MCF2L: variants seen among roughly 807,000 people sequenced by gnomAD.
The protein encoded by MCF2L is guanine nucleotide exchange factor DBS.
In MCF2L, 97 loss-of-function variants were observed where a neutral mutation model predicts 153.4. The ratio of observed to expected loss-of-function variants is 0.63; its 90% CI spans 0.54 to 0.75. The LOEUF (loss-of-function observed/expected upper bound fraction) is 0.75. MCF2L is among the 30% of genes least tolerant of loss of function. The pLI is 0.00. For missense variants in MCF2L, 1,347 were observed against 1,495.2 expected, an observed-to-expected ratio of 0.90 and a Z score of 1.64; for synonymous variants, 659 against 632.2, an observed-to-expected ratio of 1.04 and a Z score of -0.64.
intron 1 of MCF2L, among the ~76,000 whole-genome samples, chr13:112,977,236 A>C (rs1307221971): frequency 6.6e-6 from 1 of 152,170 alleles, no homozygotes; most frequent in Non-Finnish European, 1.5e-5. Context: ...ACATTGTATA[A>C]AATAGACTCC....
At chr13:112,914,991 A>AT (rs562578713) in intron 2 of MCF2L, among the ~76,000 whole-genome samples, 31 of 151,732 alleles carry the variant, frequency 2.0e-4, no homozygotes, top group Non-Finnish European at 3.7e-4. Flanking sequence ...GAATTCACCC[A>AT]TTTTTTTCCT....
chr13:113,085,217 C>G (rs772252859), intron 20 of MCF2L, 39 bp downstream of exon 20: 72 of 1,581,138 alleles, frequency 4.6e-5, no homozygotes, highest in Non-Finnish European at 5.8e-5. Flanking sequence ...CTCCCCAGCA[C>G]CTGCTGGCCA....
At chr13:113,075,334 T>A in intron 11 of MCF2L, 145 bp downstream of exon 11, 1 of 661,812 alleles carries the variant, frequency 1.5e-6, no homozygotes, top group South Asian at 2.5e-5. Flanking sequence ...TCTGGTCTTG[T>A]TGGCCTAGAG....
At chr13:112,987,943 T>C (rs940605522) in intron 1 of MCF2L, among the ~76,000 whole-genome samples, 12 of 152,240 alleles carry the variant, frequency 7.9e-5, no homozygotes, top group African/African-American at 2.4e-5. Flanking sequence ...TCACAGTTAC[T>C]TGGAATCCTG....
intron 1 of MCF2L, among the ~76,000 whole-genome samples, chr13:112,973,748 T>C (rs965807211): frequency 1.3e-5 from 2 of 152,220 alleles, no homozygotes; most frequent in African/African-American, 4.8e-5. Context: ...CTGTGTTTGC[T>C]TGGAGCGCCC....
At chr13:113,076,192 C>T in intron 12 of MCF2L, 35 bp downstream of exon 12, 2 of 1,541,960 alleles carry the variant, frequency 1.3e-6, no homozygotes, top group Admixed American at 1.8e-5. Flanking sequence ...TTGCAGCTTG[C>T]TGTCCCGAGC....
At chr13:112,997,449 TG>T (rs2083187994) in intron 1 of MCF2L, among the ~76,000 whole-genome samples, 1 of 152,098 alleles carries the variant, frequency 6.6e-6, no homozygotes, top group Non-Finnish European at 1.5e-5. Context: ...GACAGCAGAG[TG>T]GGGGGCATGG....
Position 113,074,944 on chromosome 13 carries a change from G to A in MCF2L, c.1117-54G>A. ...CACACATCCCGTACAGCAAGGCACT[G>A]TGTGCCTCGAACAGAAAGAGGCCTG... On this transcript the variant is annotated intron_variant, in intron 10 of 29. Coordinates refer to ENST00000535094, the MANE Select transcript of MCF2L (RefSeq NM_001112732.3). This position sits in a 1 kb window ranked among gnomAD's most constrained non-coding sequence, Gnocchi z 4.2. The A allele has an allele frequency of 1.4e-6, 2 of 1,468,198 alleles. No individual in the cohort carries two copies. Among genetic ancestry groups the A allele is most frequent in the Non-Finnish European group, 1.9e-6 (2 of 1,073,808 alleles). The allele number at this position is 1,468,198 out of a possible 1,614,324, so 90.9% of individuals were successfully genotyped here.
In MCF2L at chr13:113,098,751, G is replaced by C. The variant is rs1392280598; in HGVS notation, c.*1892G>C. 1.3e-5 allele frequency: 2 copies of C among 152,272 alleles called. No individual in the cohort carries two copies. Among genetic ancestry groups the C allele is most frequent in the Non-Finnish European group, 2.9e-5 (2 of 68,052 alleles). The allele number at this position is 152,272 out of a possible 1,614,324, so 9.4% of individuals were successfully genotyped here. ...GCGATGATGACAAAATAGCAACAAG[G>C]TTGTGCGTGTCAGAAACGCAAAGGC... is the stretch of plus-strand genomic sequence containing the variant. On this transcript the variant is annotated 3_prime_UTR_variant, in exon 30 of 30. Coordinates refer to ENST00000535094, the MANE Select transcript of MCF2L (RefSeq NM_001112732.3).
intron 26 of MCF2L, among the ~76,000 whole-genome samples, chr13:113,091,972 C>A (rs1272919383): frequency 2.0e-5 from 3 of 152,210 alleles, no homozygotes; most frequent in African/African-American, 7.2e-5. Context: ...GCTGTGGCCA[C>A]CCTGGGCATG....
At chr13:112,987,793 A>G (rs2082709884) in intron 1 of MCF2L, among the ~76,000 whole-genome samples, 2 of 152,236 alleles carry the variant, frequency 1.3e-5, no homozygotes, top group Admixed American at 6.5e-5. Context: ...GGGTGTGGGA[A>G]GTACCCATGA....
At chr13:113,063,516 C>G (rs138099351) in intron 5 of MCF2L, among the ~76,000 whole-genome samples, 1 of 149,386 alleles carries the variant, frequency 6.7e-6, no homozygotes, top group East Asian at 2.1e-4. Flanking sequence ...AGCGTTCAGG[C>G]GCCCCTGTCC....
At chr13:113,034,701 C>T (rs957923469) in intron 3 of MCF2L, among the ~76,000 whole-genome samples, 2 of 152,136 alleles carry the variant, frequency 1.3e-5, no homozygotes, top group Admixed American at 6.5e-5. Context: ...TGGTCTCACC[C>T]GCGCCCTTGC....
chr13:113,026,280 A>AGGC (rs1289549600), intron 3 of MCF2L, among the ~76,000 whole-genome samples: 3 of 152,178 alleles, frequency 2.0e-5, no homozygotes, highest in African/African-American at 2.4e-5. Flanking sequence ...AGGTTCCACC[A>AGGC]TGGTGGGGTC....
chr13:113,091,054 T>TCGC, intron 26 of MCF2L: 1 of 1,296,500 alleles, frequency 7.7e-7, no homozygotes, highest in Non-Finnish European at 1.0e-6. Context: ...GTCAGCCTCC[T>TCGC]CGCCGCCTCC....
At chr13:113,025,083 GATTTCACCA>G (rs2085153338) in intron 3 of MCF2L, among the ~76,000 whole-genome samples, 4 of 101,826 alleles carry the variant, frequency 3.9e-5, no homozygotes, top group African/African-American at 8.0e-5. Context: ...GTCCCTGTGA[GATTTCACCA>G]GGGTGGGGTC....
chr13:113,053,004 T>C lies in MCF2L; in HGVS notation c.370-7589T>C, dbSNP rs1439426233. ...CACATCACACACAAACACACACATA[T>C]ATGCACATATACACACATCACATAA... On this transcript the variant is annotated intron_variant, in intron 4 of 29. Coordinates refer to ENST00000535094, the MANE Select transcript of MCF2L (RefSeq NM_001112732.3). This position sits in a 1 kb window ranked among gnomAD's most constrained non-coding sequence, Gnocchi z 4.4. Among the ~76,000 whole-genome samples the C allele has an allele frequency of 1.3e-5, 2 of 151,890 alleles. No homozygotes were observed. Among genetic ancestry groups the C allele is most frequent in the Non-Finnish European group, 2.9e-5 (2 of 67,976 alleles).
intron 1 of MCF2L, among the ~76,000 whole-genome samples, chr13:113,013,729 G>A (rs1279293103): frequency 6.6e-6 from 1 of 152,236 alleles, no homozygotes; most frequent in East Asian, 1.9e-4. Context: ...GAGAAATTGT[G>A]TGGATGTTCA....
At position 112,932,405 on chromosome 13, in the gene MCF2L, A is replaced by C. The variant is rs1315335802; in HGVS notation, c.169+30034A>C. Among the ~76,000 whole-genome samples, 9 of 152,232 alleles carry C rather than the reference A, an allele frequency of 5.9e-5. No homozygotes were observed. The highest frequency in any genetic ancestry group is 5.9e-4 in the Admixed American group (9 of 15,286). On this transcript the variant is annotated intron_variant, in intron 2 of 29. Coordinates refer to the MCF2L transcript ENST00000375608. This position sits in a 1 kb window ranked among gnomAD's most constrained non-coding sequence, Gnocchi z 4.6. ...GGAGCTCTGAGAAGCTGTCACAGCC[A>C]AGAGGAGCTGAAGGAGACAGGATGA...
Sources: allele counts gnomAD v4.1 joint callset (sites outside exome capture counted in the v4.1 genomes callset), GRCh38; gene constraint gnomAD v4.1.1; non-coding constraint Gnocchi (gnomAD v3.1); transcripts MANE v1.5; gene names NCBI Gene and HGNC (gene_info 2026-07-23, HGNC 2026-07-21).